The following ATP2A2 variants were observed in gnomAD, a reference collection of about 807,000 sequenced individuals.
ATP2A2 encodes the protein ATPase sarcoplasmic/endoplasmic reticulum Ca2+ transporting 2, also known as sarcoplasmic/endoplasmic reticulum calcium ATPase 2.
In ATP2A2, 14 loss-of-function variants were observed where a neutral mutation model predicts 109.3. The ratio of observed to expected loss-of-function variants is 0.13; its 90% confidence interval spans 0.08 to 0.20. The LOEUF (loss-of-function observed/expected upper bound fraction) is 0.20, where lower values mean the gene tolerates loss of function less well. ATP2A2 is among the 10% of genes least tolerant of loss of function. ATP2A2 has a pLI of 1.00. For synonymous variants in ATP2A2, 506 were observed against 490.9 expected (o/e 1.03, Z -0.41); for missense variants, 657 against 1,321.6 (o/e 0.50, Z 7.80).
At position 110,349,122 on chromosome 12, in the gene ATP2A2, A is replaced by C. The variant is rs1880160963; in HGVS notation, c.*2652A>C. The C allele has an allele frequency of 1.0e-6, 1 of 985,360 alleles. No homozygotes were observed. The highest frequency in any genetic ancestry group is 1.7e-5 in the African/African-American group (1 of 57,240). The allele number at this position is 985,360 out of a possible 1,614,324, so 61.0% of individuals were successfully genotyped here. A position where few individuals can be genotyped will look rare whatever the true frequency, so the allele number is the denominator to read the frequency against. On this transcript the variant is annotated 3_prime_UTR_variant, in exon 20 of 20. Coordinates refer to ENST00000539276, the MANE Select transcript of ATP2A2 (RefSeq NM_170665.4). ...TGGTCCAGACAGCTGGGAGTGGGTT[A>C]GGCCCACTGCTGTTTTGAGCAGGGC...
chr12:110,317,190 T>G (rs1312097479), intron 5 of ATP2A2, among the ~76,000 whole-genome samples: 1 of 152,148 alleles, frequency 6.6e-6, no homozygotes, highest in Non-Finnish European at 1.5e-5. Flanking sequence ...GTTAAATGTT[T>G]AAGTAGTTTA....
intron 3 of ATP2A2, among the ~76,000 whole-genome samples, chr12:110,285,720 A>C (rs1450328190): frequency 2.0e-5 from 3 of 152,170 alleles, no homozygotes; most frequent in African/African-American, 7.2e-5. Flanking sequence ...TAAATCATAA[A>C]GTCATAATTA....
intron 5 of ATP2A2, among the ~76,000 whole-genome samples, chr12:110,312,765 G>A (rs369910229): frequency 6.7e-6 from 1 of 149,056 alleles, no homozygotes. Context: ...CACGAGAATC[G>A]CCTAAACCCA....
intron 5 of ATP2A2, among the ~76,000 whole-genome samples, chr12:110,313,475 G>A (rs1338800899): frequency 6.6e-6 from 1 of 151,584 alleles, no homozygotes; most frequent in Non-Finnish European, 1.5e-5. Context: ...ACAATGTCCG[G>A]CTAATTTTTT....
intron 6 of ATP2A2, chr12:110,325,891 G>A (rs1877745992): frequency 1.2e-5 from 2 of 166,202 alleles, no homozygotes; most frequent in Admixed American, 1.1e-4. Flanking sequence ...AGGAAGCCAA[G>A]TTGGGAAGAT....
rs560600113 is a variant in ATP2A2, at chr12:110,340,679, C to T, written c.1782C>T (p.Gly594=). The T allele has an allele frequency of 4.3e-6, 7 of 1,614,176 alleles. No homozygotes were observed. Among genetic ancestry groups the T allele is most frequent in the Non-Finnish European group, 5.1e-6 (6 of 1,180,034 alleles). ...TTTAGACCAATCTGACCTTCGTTGG[C>T]TGCGTGGGCATGCTGGATCCTCCGA... ...IKYETNLTFV[G]CVGMLDPPRI... The change falls in exon 14 of 20, where the codon GGC becomes GGT. Residue 594 remains glycine (G), a synonymous_variant. Transcript: ENST00000539276. This position sits in a 1 kb window ranked among gnomAD's most constrained non-coding sequence, Gnocchi z 6.0.
chr12:110,282,509 T>A, intron 1 of ATP2A2, 95 bp from the exon 2 acceptor site: 1 of 1,479,058 alleles, frequency 6.8e-7, no homozygotes, highest in East Asian at 2.3e-5. Flanking sequence ...ATTGTAGCAG[T>A]TCTTTTTAGA....
chr12:110,288,478 C>T (rs530068287), intron 3 of ATP2A2, among the ~76,000 whole-genome samples: 5 of 151,800 alleles, frequency 3.3e-5, no homozygotes, highest in South Asian at 2.1e-4. Context: ...GATCTCGGCT[C>T]GCTGTAACCT....
chr12:110,304,853 C>T (rs1479924996), intron 5 of ATP2A2, among the ~76,000 whole-genome samples: 2 of 152,130 alleles, frequency 1.3e-5, no homozygotes, highest in Non-Finnish European at 2.9e-5. Flanking sequence ...TATATATTAG[C>T]CAGTATATAT....
intron 10 of ATP2A2, 57 bp downstream of exon 10, chr12:110,333,340 G>T: frequency 6.8e-7 from 1 of 1,473,774 alleles, no homozygotes. Flanking sequence ...GGTGGGGTGG[G>T]TGGAATGAAA....
At chr12:110,324,031 T>A (rs1452732369) in intron 6 of ATP2A2, among the ~76,000 whole-genome samples, 1 of 152,222 alleles carries the variant, frequency 6.6e-6, no homozygotes, top group East Asian at 1.9e-4. Context: ...TACCTGGAAT[T>A]TGCACAATTG....
In ATP2A2 at chr12:110,350,597, A is replaced by G; in HGVS notation, c.*4127A>G. ...GAATGAGGCTCTGTAACCTTATCTA[A>G]GAACTTGGAAGCCGTCAGCCAAGTC... On this transcript the variant is annotated 3_prime_UTR_variant, in exon 20 of 20. Coordinates refer to ENST00000539276, the MANE Select transcript of ATP2A2 (RefSeq NM_170665.4). 2.0e-6 allele frequency: 1 copy of G among 490,078 alleles called. No individual in the cohort carries two copies. Among genetic ancestry groups the G allele is most frequent in the East Asian group, 3.5e-5 (1 of 28,232 alleles). The allele number at this position is 490,078 out of a possible 1,614,324, so 30.4% of individuals were successfully genotyped here.
Position 110,350,090 on chromosome 12 carries a change from G to T in ATP2A2, c.*3620G>T, listed in dbSNP as rs1880261554. On this transcript the variant is annotated 3_prime_UTR_variant, in exon 20 of 20. Coordinates refer to ENST00000539276, the MANE Select transcript of ATP2A2 (RefSeq NM_170665.4). ...GACGACACGAGGAGTCTGTGTCACT[G>T]AGCCAGTGCTTCTAGATGCTACCCT... 1 of 1,458,294 alleles carries T rather than the reference G, an allele frequency of 6.9e-7. No individual in the cohort carries two copies. The highest frequency in any genetic ancestry group is 1.4e-5 in the African/African-American group (1 of 70,550). The allele number at this position is 1,458,294 out of a possible 1,614,324, so 90.3% of individuals were successfully genotyped here.
At chr12:110,289,507 C>T (rs1014971631) in intron 3 of ATP2A2, among the ~76,000 whole-genome samples, 3 of 152,078 alleles carry the variant, frequency 2.0e-5, no homozygotes, top group South Asian at 2.1e-4. Flanking sequence ...GCTCACTGGA[C>T]GTTGGTGGTG....
intron 10 of ATP2A2, among the ~76,000 whole-genome samples, chr12:110,333,624 T>A (rs117734975): frequency 0.028 from 4,218 of 152,300 alleles, 86 homozygotes; most frequent in Middle Eastern, 0.082. Context: ...GTCTCAAAGG[T>A]AAGCTAGTCC....
intron 4 of ATP2A2, among the ~76,000 whole-genome samples, chr12:110,294,205 A>G (rs1404523915): frequency 1.3e-5 from 2 of 151,924 alleles, no homozygotes; most frequent in African/African-American, 2.4e-5. Context: ...CACCACGCCC[A>G]GCTAATTTTT....
At chr12:110,311,622 A>AAAC (rs1876073126) in intron 5 of ATP2A2, among the ~76,000 whole-genome samples, 3 of 141,018 alleles carry the variant, frequency 2.1e-5, no homozygotes, top group South Asian at 4.9e-4. Context: ...AAAAAAAAAA[A>AAAC]CGCTGGGATT....
chr12:110,292,215 G>A, intron 4 of ATP2A2, 91 bp downstream of exon 4: 2 of 963,138 alleles, frequency 2.1e-6, no homozygotes, highest in Non-Finnish European at 1.7e-6. Flanking sequence ...TTTTCCTGAT[G>A]TGTTGAGTAA....
In ATP2A2 at chr12:110,342,105, C is replaced by T; in HGVS notation, c.2098-123C>T. The T allele has an allele frequency of 9.0e-7, 1 of 1,110,166 alleles. No homozygotes were observed. Among genetic ancestry groups the T allele is most frequent in the Non-Finnish European group, 1.4e-6 (1 of 739,772 alleles). 68.8% of individuals were successfully genotyped at this position (1,110,166 alleles called of 1,614,324 possible). On this transcript the variant is annotated intron_variant, in intron 14 of 19. Coordinates refer to ENST00000539276, the MANE Select transcript of ATP2A2 (RefSeq NM_170665.4). The surrounding 1 kb of genome is among the most constrained non-coding windows in gnomAD (Gnocchi z 4.6). ...AACTTATGAAACAAAAATTCTAAAA[C>T]TCTTTGCCAAGAGACCTACGGCTCT...
Sources: gnomAD v4.1 joint callset for allele counts (sites outside exome capture counted in the v4.1 genomes callset) on GRCh38, gnomAD v4.1.1 for gene constraint, Gnocchi (gnomAD v3.1) non-coding constraint, MANE v1.5 for transcripts, NCBI Gene and HGNC (gene_info 2026-07-23, HGNC 2026-07-21) for gene names.